RBFOX1: variants seen among roughly 807,000 people sequenced by gnomAD.
RBFOX1 encodes RNA binding protein fox-1 homolog 1.
RBFOX1 carries 8 observed loss-of-function variants against 57.7 expected under a neutral mutation model. The ratio of observed to expected loss-of-function variants is 0.14; its 90% CI spans 0.08 to 0.25. The LOEUF is 0.25. Ranked by LOEUF, RBFOX1 falls within the 10% of genes least tolerant of loss-of-function variation. RBFOX1 has a pLI of 1.00. For synonymous variants in RBFOX1, 326 were observed against 222.4 expected, an observed-to-expected ratio of 1.47 and a Z score of -4.15; for missense variants, 611 against 548.5, an observed-to-expected ratio of 1.11 and a Z score of -1.14.
chr16:6,807,912 G>GTATATA (rs1272011957), intron 3 of RBFOX1, among the ~76,000 whole-genome samples: 22 of 134,704 alleles, frequency 1.6e-4, no homozygotes, highest in Admixed American at 5.3e-4. Context: ...GTGTGTGTGT[G>GTATATA]TGTATATATA....
At chr16:6,078,048 A>G (rs1277350039) in intron 1 of RBFOX1, among the ~76,000 whole-genome samples, 3 of 152,192 alleles carry the variant, frequency 2.0e-5, no homozygotes, top group Non-Finnish European at 4.4e-5. Flanking sequence ...CACACCAGTT[A>G]TCAGGAGTGT....
intron 2 of RBFOX1, among the ~76,000 whole-genome samples, chr16:6,428,825 A>G (rs1180174272): frequency 6.6e-6 from 1 of 152,228 alleles, no homozygotes; most frequent in Non-Finnish European, 1.5e-5. Context: ...TGGCAATGGG[A>G]AGTCTAAATT....
chr16:7,618,791 A>G (rs1017318047), intron 10 of RBFOX1, among the ~76,000 whole-genome samples: 1 of 152,224 alleles, frequency 6.6e-6, no homozygotes, highest in Non-Finnish European at 1.5e-5. Context: ...TGAAGAACCA[A>G]CTGACAAATG....
At chr16:6,226,626 C>A (rs575433897) in intron 1 of RBFOX1, among the ~76,000 whole-genome samples, 2 of 152,172 alleles carry the variant, frequency 1.3e-5, no homozygotes, top group South Asian at 2.1e-4. Context: ...AAGAATTACT[C>A]ATTGAAAGCA....
At chr16:7,095,663 A>G (rs1361739467) in intron 4 of RBFOX1, among the ~76,000 whole-genome samples, 1 of 152,152 alleles carries the variant, frequency 6.6e-6, no homozygotes, top group East Asian at 1.9e-4. Context: ...GATGATAATC[A>G]TGTTGGTAAG....
intron 3 of RBFOX1, among the ~76,000 whole-genome samples, chr16:6,679,993 G>T (rs1383742228): frequency 1.4e-5 from 2 of 147,866 alleles, no homozygotes; most frequent in African/African-American, 5.0e-5. Context: ...AAGACAGGAT[G>T]GTTGAAATTT....
intron 3 of RBFOX1, among the ~76,000 whole-genome samples, chr16:6,745,302 G>A (rs933943446): frequency 6.6e-6 from 1 of 151,880 alleles, no homozygotes; most frequent in Non-Finnish European, 1.5e-5. Flanking sequence ...ATTCTATGAG[G>A]CAACGATTAC....
chr16:6,942,776 A>G (rs1315155205), intron 3 of RBFOX1, among the ~76,000 whole-genome samples: 2 of 152,164 alleles, frequency 1.3e-5, no homozygotes, highest in Non-Finnish European at 2.9e-5. Flanking sequence ...AATAAGGGCA[A>G]ATGGTTTTTA....
At chr16:7,331,296 C>T (rs1439250007) in intron 4 of RBFOX1, among the ~76,000 whole-genome samples, 2 of 152,178 alleles carry the variant, frequency 1.3e-5, no homozygotes, top group Non-Finnish European at 2.9e-5. Flanking sequence ...AAATCTATAT[C>T]AAGTGTCCTG....
intron 11 of RBFOX1, among the ~76,000 whole-genome samples, chr16:7,632,396 T>C (rs548859140): frequency 6.6e-6 from 1 of 152,304 alleles, no homozygotes; most frequent in Non-Finnish European, 1.5e-5. Flanking sequence ...GAAATTGTAA[T>C]GTTACTACAC....
chr16:6,151,344 G>T (rs1226257214), intron 1 of RBFOX1, among the ~76,000 whole-genome samples: 1 of 152,102 alleles, frequency 6.6e-6, no homozygotes, highest in East Asian at 1.9e-4. Flanking sequence ...GGAGTGCAGT[G>T]GCACGATCTC....
At position 5,741,342 on chromosome 16, in the gene RBFOX1, T is replaced by G. The variant is rs79482354; in HGVS notation, c.319-125961T>G. ...GACCATTCCCAAGGCAAAGGGTCATTAATATCATCATCTCCATCTTCTTTA... is the reference window on the plus strand; with the variant it reads ...GACCATTCCCAAGGCAAAGGGTCATGAATATCATCATCTCCATCTTCTTTA... On this transcript the variant is annotated intron_variant, in intron 3 of 19. Transcript: ENST00000641259. Among the ~76,000 whole-genome samples, 830 of 152,324 alleles carry G rather than the reference T, an allele frequency of 5.4e-3. 7 individuals are homozygous for G. Among genetic ancestry groups the G allele is most frequent in the African/African-American group, 0.019 (780 of 41,558 alleles).
chr16:6,463,665 C>T (rs55924700), intron 2 of RBFOX1, among the ~76,000 whole-genome samples: 7,363 of 152,242 alleles, frequency 0.048, 546 homozygotes, highest in African/African-American at 0.16. Flanking sequence ...GAGCACCGGT[C>T]TCGTTCACCA....
intron 4 of RBFOX1, among the ~76,000 whole-genome samples, chr16:7,099,613 G>A (rs1390894776): frequency 6.6e-6 from 1 of 152,106 alleles, no homozygotes; most frequent in African/African-American, 2.4e-5. Flanking sequence ...CTGAGGACAC[G>A]TGCCCAAGGT....
chr16:6,064,061 T>C (rs2095725515), intron 1 of RBFOX1, among the ~76,000 whole-genome samples: 1 of 152,202 alleles, frequency 6.6e-6, no homozygotes, highest in African/African-American at 2.4e-5. Flanking sequence ...ATATTGTACA[T>C]ATTGTATGCG....
chr16:6,728,655 T>G (rs1237703919), intron 3 of RBFOX1, among the ~76,000 whole-genome samples: 1 of 152,196 alleles, frequency 6.6e-6, no homozygotes, highest in East Asian at 1.9e-4. Flanking sequence ...GGATATTGAT[T>G]CTGAATAATT....
Position 7,703,176 on chromosome 16 carries a change from C to G in RBFOX1, c.996-5880C>G, listed in dbSNP as rs1411129633. 2.0e-5 allele frequency among the ~76,000 whole-genome samples: 3 copies of G among 152,178 alleles called. 1 individual carries two copies. Among genetic ancestry groups the G allele is most frequent in the South Asian group, 4.1e-4 (2 of 4,830 alleles). ...TGCGACTTGCATGGATTCATTTTTC[C>G]AAATACTTAAGACTATGCCTTAGAT... On this transcript the variant is annotated intron_variant, in intron 14 of 15. Coordinates refer to ENST00000550418, the MANE Select transcript of RBFOX1 (RefSeq NM_018723.4).
chr16:5,526,688 C>T (rs914561360), intron 2 of RBFOX1, among the ~76,000 whole-genome samples: 3 of 152,174 alleles, frequency 2.0e-5, no homozygotes, highest in African/African-American at 7.2e-5. Context: ...TGTTATGTTG[C>T]AGAGTTTGAA....
intron 3 of RBFOX1, among the ~76,000 whole-genome samples, chr16:6,785,153 T>C (rs2081716876): frequency 6.6e-6 from 1 of 152,170 alleles, no homozygotes; most frequent in Non-Finnish European, 1.5e-5. Flanking sequence ...ATTTCATTTC[T>C]GAACAAAGAG....
Sources: gnomAD v4.1 joint callset for allele counts (sites outside exome capture counted in the v4.1 genomes callset) on GRCh38, gnomAD v4.1.1 for gene constraint, MANE v1.5 for transcripts, NCBI Gene and HGNC (gene_info 2026-07-23, HGNC 2026-07-21) for gene names.